ENTREP2: variants seen among roughly 807,000 people sequenced by gnomAD.
ENTREP2 encodes the protein protein ENTREP2.
the ENTREP2 span, among the ~76,000 whole-genome samples, chr15:29,385,132 T>C: frequency 6.6e-6 from 1 of 152,172 alleles, no homozygotes; most frequent in Non-Finnish European, 1.5e-5. Context: ...TTGAACGCCT[T>C]GACCTCTTCT....
At chr15:29,174,260 C>G in the ENTREP2 span, among the ~76,000 whole-genome samples, 4 of 152,208 alleles carry the variant, frequency 2.6e-5, no homozygotes, top group Non-Finnish European at 5.9e-5. Context: ...GATGTCATGT[C>G]ATTTTTTTCT....
the ENTREP2 span, among the ~76,000 whole-genome samples, chr15:29,300,125 A>G: frequency 1.4e-5 from 2 of 143,148 alleles, no homozygotes; most frequent in South Asian, 4.9e-4. Flanking sequence ...AAATGGATGA[A>G]TGGGTAGGTG....
chr15:29,633,082 T>A, the ENTREP2 span, among the ~76,000 whole-genome samples: 9 of 152,176 alleles, frequency 5.9e-5, no homozygotes, highest in African/African-American at 2.2e-4. Flanking sequence ...GCTGAATGAG[T>A]AAACTTTTAG....
At chr15:29,575,432 C>T in the ENTREP2 span, among the ~76,000 whole-genome samples, 2 of 152,148 alleles carry the variant, frequency 1.3e-5, no homozygotes, top group African/African-American at 4.8e-5. Context: ...AAGCTTCTTC[C>T]CAAGATCAGG....
chr15:29,381,559 A>C, the ENTREP2 span, among the ~76,000 whole-genome samples: 8 of 151,786 alleles, frequency 5.3e-5, no homozygotes, highest in African/African-American at 1.7e-4. Context: ...GGAGCATCTC[A>C]GCAAGACACT....
chr15:29,160,049 G>A, the ENTREP2 span, among the ~76,000 whole-genome samples: 1 of 152,250 alleles, frequency 6.6e-6, no homozygotes, highest in Non-Finnish European at 1.5e-5. Flanking sequence ...GTAGGCTGCA[G>A]GTCCTGAGCC....
At chr15:29,642,550 T>A in the ENTREP2 span, among the ~76,000 whole-genome samples, 3 of 147,640 alleles carry the variant, frequency 2.0e-5, no homozygotes, top group Non-Finnish European at 4.5e-5. Flanking sequence ...TGTACATATA[T>A]ACACATATAT....
the ENTREP2 span, chr15:29,268,685 G>C: frequency 2.6e-6 from 3 of 1,163,804 alleles, no homozygotes; most frequent in Non-Finnish European, 3.6e-6. Flanking sequence ...ACATTGAAGC[G>C]TTTACAGCAA....
At chr15:29,225,761 C>G in the ENTREP2 span, among the ~76,000 whole-genome samples, 1 of 152,200 alleles carries the variant, frequency 6.6e-6, no homozygotes, top group Non-Finnish European at 1.5e-5. Context: ...GCACGTCAGC[C>G]CCTGCGCCTC....
At chr15:29,159,240 A>C in the ENTREP2 span, among the ~76,000 whole-genome samples, 1 of 151,308 alleles carries the variant, frequency 6.6e-6, no homozygotes, top group Non-Finnish European at 1.5e-5. Context: ...CTCCGCGGTG[A>C]GTGTTACAGC....
chr15:29,566,846 TACAC>T, the ENTREP2 span, among the ~76,000 whole-genome samples: 252 of 146,170 alleles, frequency 1.7e-3, no homozygotes, highest in African/African-American at 3.8e-3. Context: ...AAAGGAAAAA[TACAC>T]ACACACACAC....
the ENTREP2 span, among the ~76,000 whole-genome samples, chr15:29,417,590 A>C: frequency 1.3e-5 from 2 of 152,134 alleles, no homozygotes; most frequent in Non-Finnish European, 2.9e-5. Context: ...ACATGTATAC[A>C]TATGTAACAA....
chr15:29,666,482 C>T, the ENTREP2 span, among the ~76,000 whole-genome samples: 3 of 152,024 alleles, frequency 2.0e-5, no homozygotes, highest in East Asian at 5.8e-4. Flanking sequence ...TCATGTCTCC[C>T]CCATTGTCTT....
chr15:29,257,682 A>C, the ENTREP2 span, among the ~76,000 whole-genome samples: 7 of 152,178 alleles, frequency 4.6e-5, no homozygotes, highest in African/African-American at 1.7e-4. Flanking sequence ...ATGTAAGCTA[A>C]ATTAAATTTA....
the ENTREP2 span, among the ~76,000 whole-genome samples, chr15:29,609,472 T>C: frequency 6.7e-6 from 1 of 149,948 alleles, no homozygotes; most frequent in Non-Finnish European, 1.5e-5. Flanking sequence ...GGATTAATAC[T>C]GTTATTGTGG....
At chr15:29,459,922 T>A in the ENTREP2 span, among the ~76,000 whole-genome samples, 8 of 152,202 alleles carry the variant, frequency 5.3e-5, no homozygotes, top group African/African-American at 1.9e-4. Flanking sequence ...TCAAGTGATC[T>A]ACTTTCTAAT....
the ENTREP2 span, among the ~76,000 whole-genome samples, chr15:29,656,248 CAG>C: frequency 6.7e-6 from 1 of 148,960 alleles, no homozygotes; most frequent in Admixed American, 6.7e-5. Context: ...TTTTTTGAGA[CAG>C]AGTCTCACTC....
the ENTREP2 span, among the ~76,000 whole-genome samples, chr15:29,436,223 T>A: frequency 6.6e-6 from 1 of 152,208 alleles, no homozygotes. Flanking sequence ...AAAATGTAGC[T>A]GTTTAATTCA....
the ENTREP2 span, among the ~76,000 whole-genome samples, chr15:29,489,591 T>G: frequency 6.6e-6 from 1 of 152,256 alleles, no homozygotes; most frequent in Non-Finnish European, 1.5e-5. Flanking sequence ...CAATGCCAAT[T>G]ACTGGCATCA....
Sources: allele counts gnomAD v4.1 joint callset (sites outside exome capture counted in the v4.1 genomes callset), GRCh38; gene constraint gnomAD v4.1.1; transcripts MANE v1.5; gene names NCBI Gene and HGNC (gene_info 2026-07-23, HGNC 2026-07-21).